Variants in PCDHA13 observed in about 807,000 individuals in gnomAD.
PCDHA13 encodes the protein protocadherin alpha 13.
A neutral mutation model predicts 64.8 loss-of-function variants in PCDHA13; 54 were observed. That is an observed-to-expected ratio of 0.83 (90% CI 0.67 to 1.04). PCDHA13 has a LOEUF of 1.04. Ranked by LOEUF, PCDHA13 falls within the 50% of genes least tolerant of loss-of-function variation. The pLI is 0.00. For synonymous variants in PCDHA13, 587 were observed against 564.4 expected, an observed-to-expected ratio of 1.04 and a Z score of -0.57; for missense variants, 1,248 against 1,254.3, an observed-to-expected ratio of 0.99 and a Z score of 0.08.
intron 3 of PCDHA13, among the ~76,000 whole-genome samples, chr5:141,000,558 G>C (rs1462892656): frequency 6.7e-6 from 1 of 149,136 alleles, no homozygotes; most frequent in African/African-American, 2.5e-5. Context: ...CTCCCGAGTA[G>C]CTGGGATTAC....
intron 1 of PCDHA13, among the ~76,000 whole-genome samples, chr5:140,893,408 T>C (rs1562871197): frequency 6.6e-6 from 1 of 152,076 alleles, no homozygotes; most frequent in Non-Finnish European, 1.5e-5. Flanking sequence ...ATCCCAGCAC[T>C]TAGGGAGGCA....
chr5:140,905,472 C>T (rs782287736), intron 1 of PCDHA13, among the ~76,000 whole-genome samples: 14 of 152,042 alleles, frequency 9.2e-5, no homozygotes, highest in Non-Finnish European at 1.6e-4. Flanking sequence ...TAATGTGATG[C>T]CTTCAGATTT....
At chr5:140,973,628 T>G (rs1005772685) in intron 1 of PCDHA13, among the ~76,000 whole-genome samples, 13 of 152,250 alleles carry the variant, frequency 8.5e-5, no homozygotes, top group Admixed American at 2.6e-4. Context: ...TTCTGTATCT[T>G]GTACACATTC....
intron 1 of PCDHA13, among the ~76,000 whole-genome samples, chr5:140,961,071 G>GT (rs2095588240): frequency 6.6e-6 from 1 of 152,208 alleles, no homozygotes; most frequent in African/African-American, 2.4e-5. Flanking sequence ...GATATCTGGA[G>GT]TATCAAGTAA....
chr5:140,890,068 T>C (rs1353953909), intron 1 of PCDHA13, among the ~76,000 whole-genome samples: 2 of 152,196 alleles, frequency 1.3e-5, no homozygotes, highest in African/African-American at 4.8e-5. Flanking sequence ...TTTACTGGCT[T>C]ATGAGAACTG....
At chr5:140,971,643 T>C (rs2096490301) in intron 1 of PCDHA13, among the ~76,000 whole-genome samples, 2 of 152,134 alleles carry the variant, frequency 1.3e-5, no homozygotes, top group African/African-American at 4.8e-5. Flanking sequence ...TGTGCCTACA[T>C]TAAAAGTAGA....
intron 1 of PCDHA13, among the ~76,000 whole-genome samples, chr5:140,971,045 T>G (rs2096453995): frequency 6.6e-6 from 1 of 152,090 alleles, no homozygotes; most frequent in Non-Finnish European, 1.5e-5. Context: ...CGTAAAAGGG[T>G]TTAGCTTTAA....
chr5:140,925,108 G>GGAAGGAAGGAAGGAAGGAA (rs1554202548), intron 1 of PCDHA13, among the ~76,000 whole-genome samples: 8 of 124,780 alleles, frequency 6.4e-5, no homozygotes, highest in South Asian at 4.6e-4. Context: ...GAAGGAAGGA[G>GGAAGGAAGGAAGGAAGGAA]GGAAGGAAGG....
chr5:140,884,063 G>A lies in PCDHA13; in HGVS notation c.1795G>A (p.Ala599Thr). Reference sequence around the variant, plus strand: ...GGTGGCGAAGGTGCGCGCGGTGGACGCCGATTCGGGCTACAATGCGTGGCT... The same window carrying A: ...GGTGGCGAAGGTGCGCGCGGTGGACACCGATTCGGGCTACAATGCGTGGCT... ...HVVAKVRAVDADSGYNAWLSY... is the reference protein window; with the variant it reads ...HVVAKVRAVDTDSGYNAWLSY... The change falls in exon 1 of 4, where the codon GCC becomes ACC. Residue 599 changes from alanine (A) to threonine (T), a missense_variant. By Grantham distance (58) the Ala-to-Thr change is moderately conservative. Transcript: ENST00000289272. The A allele has an allele frequency of 1.9e-6, 3 of 1,613,496 alleles. No homozygotes were observed. Among genetic ancestry groups the A allele is most frequent in the Non-Finnish European group, 1.7e-6 (2 of 1,179,760 alleles).
intron 1 of PCDHA13, among the ~76,000 whole-genome samples, chr5:140,923,305 G>T (rs552769255): frequency 2.6e-5 from 4 of 152,186 alleles, no homozygotes; most frequent in Non-Finnish European, 5.9e-5. Context: ...GGGCGTGGGG[G>T]CGCTTGGCCT....
In PCDHA13 at chr5:140,883,195, T is replaced by A. The variant is rs781816525; in HGVS notation, c.927T>A (p.Asp309Glu). ...AAATTAGGACAAAAGGCAAACTAGA[T>A]TTCGAAGAAAAGAAATTATATGAAA... ...NGEIRTKGKL[D>E]FEEKKLYEIS... Residue 309 changes from aspartate (D) to glutamate (E), a missense_variant, in exon 1 of 4, where the codon GAT becomes GAA. Physicochemically the swap from Asp to Glu is conservative, Grantham distance 45. Coordinates refer to ENST00000289272, the MANE Select transcript of PCDHA13 (RefSeq NM_018904.3). 1 of 1,613,786 alleles carries A rather than the reference T, an allele frequency of 6.2e-7. No individual in the cohort carries two copies. Among genetic ancestry groups the A allele is most frequent in the Non-Finnish European group, 8.5e-7 (1 of 1,179,986 alleles).
At chr5:141,002,052 G>GGCA (rs1217531547) in intron 3 of PCDHA13, among the ~76,000 whole-genome samples, 1 of 152,206 alleles carries the variant, frequency 6.6e-6, no homozygotes, top group Non-Finnish European at 1.5e-5. Flanking sequence ...GGCATCCAGA[G>GGCA]GCAGCAGCAG....
At chr5:140,950,343 A>C (rs1169343189) in intron 1 of PCDHA13, among the ~76,000 whole-genome samples, 9 of 151,988 alleles carry the variant, frequency 5.9e-5, no homozygotes, top group African/African-American at 2.2e-4. Context: ...GATTTATCTT[A>C]GTTTTCCTTT....
In PCDHA13 at chr5:141,003,833, A is replaced by G. The variant is rs1215772990; in HGVS notation, c.2543-5794A>G. On this transcript the variant is annotated intron_variant, in intron 3 of 3. Transcript: ENST00000289272. ...AGTCTGGGAAGGGCTCTGCCTAACG[A>G]TTCAGACCCCTACCAGATTTATATG... is the stretch of plus-strand genomic sequence containing the variant. 2.6e-5 allele frequency among the ~76,000 whole-genome samples: 4 copies of G among 152,176 alleles called. No individual in the cohort carries two copies. In the East Asian group the frequency reaches 7.7e-4, roughly 29 times the overall value.
chr5:140,929,166 C>T (rs782695019), intron 1 of PCDHA13: 1 of 1,614,146 alleles, frequency 6.2e-7, no homozygotes, highest in Non-Finnish European at 8.5e-7. Context: ...TCTATCGGGC[C>T]TCTCTGGGAC....
chr5:140,883,213 A>G lies in PCDHA13; in HGVS notation c.945A>G (p.Leu315=). ...AACTAGATTTCGAAGAAAAGAAATT[A>G]TATGAAATATCCGTGGAGGCAGTTG... ...KGKLDFEEKK[L]YEISVEAVDK... is the part of the protein sequence containing the mutation. The change falls in exon 1 of 4, where the codon TTA becomes TTG. Residue 315 remains leucine (L), a synonymous_variant. Transcript: ENST00000289272. The G allele has an allele frequency of 6.2e-7, 1 of 1,614,090 alleles. No individual in the cohort carries two copies. The highest frequency in any genetic ancestry group is 1.1e-5 in the South Asian group (1 of 91,080).
intron 1 of PCDHA13, among the ~76,000 whole-genome samples, chr5:140,889,720 T>G (rs1259294888): frequency 2.6e-5 from 4 of 152,240 alleles, no homozygotes; most frequent in African/African-American, 9.6e-5. Context: ...TCTTTGCTAC[T>G]GTCTCACTGA....
chr5:141,000,423 T>C (rs470406), intron 3 of PCDHA13, among the ~76,000 whole-genome samples: 6 of 66,864 alleles, frequency 9.0e-5, no homozygotes, highest in Non-Finnish European at 1.8e-4. Context: ...ATATATATAT[T>C]TTTTTTTTTT....
chr5:140,915,374 G>A (rs1310466402), intron 1 of PCDHA13, among the ~76,000 whole-genome samples: 3 of 152,016 alleles, frequency 2.0e-5, no homozygotes, highest in Non-Finnish European at 4.4e-5. Flanking sequence ...TAAGTGTCTC[G>A]GCATTGAAGA....
Sources: gnomAD v4.1 joint callset for allele counts (sites outside exome capture counted in the v4.1 genomes callset) on GRCh38, gnomAD v4.1.1 for gene constraint, MANE v1.5 for transcripts, NCBI Gene and HGNC (gene_info 2026-07-23, HGNC 2026-07-21) for gene names.